The following MAP3K1 variants were observed in gnomAD, a reference collection of about 807,000 sequenced individuals.
MAP3K1 encodes MAP/ERK kinase kinase 1.
MAP3K1 carries 36 observed loss-of-function variants against 144.2 expected under a neutral mutation model. The ratio of observed to expected loss-of-function variants is 0.25; its 90% confidence interval spans 0.19 to 0.33. MAP3K1 has a LOEUF of 0.33. MAP3K1 is among the 10% of genes least tolerant of loss of function. The pLI is 1.00. For synonymous variants in MAP3K1, 718 were observed against 688.7 expected, an observed-to-expected ratio of 1.04 and a Z score of -0.67; for missense variants, 1,650 against 1,881.9, an observed-to-expected ratio of 0.88 and a Z score of 2.28.
Position 56,887,420 on chromosome 5 carries a change from T to C in MAP3K1, c.4157T>C (p.Ile1386Thr), listed in dbSNP as rs2111961865. ...GACAGCACTGGTCAGAGACTAAGAA[T>C]TGCAGATTTTGGAGCTGCAGCCAGG... ...LIDSTGQRLRIADFGAAARLA... is the reference protein window; with the variant it reads ...LIDSTGQRLRTADFGAAARLA... The change falls in exon 18 of 20, where the codon ATT becomes ACT. Residue 1386 changes from isoleucine to threonine, a missense_variant. Coordinates refer to ENST00000399503, the MANE Select transcript of MAP3K1 (RefSeq NM_005921.2). 1 of 1,614,184 alleles carries C rather than the reference T, an allele frequency of 6.2e-7. No individual in the cohort carries two copies.
Position 56,895,976 on chromosome 5 carries a change from CAAAAAAAA to C in MAP3K1, c.*2307_*2314del, listed in dbSNP as rs34130917. ...CACCTTACTGTGTAAGCAAATGTTA[CAAAAAAAA>C]AAAAAAAAAATCTCTGGGTTAAGAA... On this transcript the variant is annotated 3_prime_UTR_variant, in exon 20 of 20. Coordinates refer to ENST00000399503, the MANE Select transcript of MAP3K1 (RefSeq NM_005921.2). The C allele has an allele frequency of 4.4e-5, 8 of 182,214 alleles. No homozygotes were observed. The highest frequency in any genetic ancestry group is 6.3e-5 in the Non-Finnish European group (6 of 95,914). The allele number at this position is 182,214 out of a possible 1,614,324, so 11.3% of individuals were successfully genotyped here.
chr5:56,853,601 A>G (rs1188455367), intron 1 of MAP3K1, among the ~76,000 whole-genome samples: 1 of 152,218 alleles, frequency 6.6e-6, no homozygotes, highest in Non-Finnish European at 1.5e-5. Flanking sequence ...TGCAAACTGC[A>G]TTAACCATGT....
intron 19 of MAP3K1, among the ~76,000 whole-genome samples, chr5:56,891,927 G>C (rs1748561558): frequency 6.6e-6 from 1 of 152,076 alleles, no homozygotes; most frequent in Non-Finnish European, 1.5e-5. Context: ...ATGCTGTTTT[G>C]GTTACTGTAG....
chr5:56,832,511 A>AT (rs1746523787), intron 1 of MAP3K1, among the ~76,000 whole-genome samples: 2 of 152,202 alleles, frequency 1.3e-5, no homozygotes, highest in Admixed American at 6.5e-5. Context: ...TTTGATTCCC[A>AT]TTTTACATAT....
At chr5:56,871,855 C>A in intron 6 of MAP3K1, 55 bp from the exon 7 acceptor site, 2 of 1,558,512 alleles carry the variant, frequency 1.3e-6, no homozygotes, top group Non-Finnish European at 1.8e-6. Context: ...TTTAGCATAT[C>A]CGTTCTACTT....
At chr5:56,842,267 C>G (rs1223268622) in intron 1 of MAP3K1, 1 of 152,182 alleles carries the variant, frequency 6.6e-6, no homozygotes, top group Non-Finnish European at 1.5e-5. Flanking sequence ...TTTCAAATAA[C>G]TTGTTAAAAG....
chr5:56,851,291 G>A (rs1233433227), intron 1 of MAP3K1, among the ~76,000 whole-genome samples: 1 of 152,172 alleles, frequency 6.6e-6, no homozygotes, highest in African/African-American at 2.4e-5. Flanking sequence ...TGTGTGCCAG[G>A]CATTGTGCAG....
At chr5:56,871,406 T>C (rs1747848889) in intron 6 of MAP3K1, among the ~76,000 whole-genome samples, 1 of 152,204 alleles carries the variant, frequency 6.6e-6, no homozygotes, top group Admixed American at 6.5e-5. Flanking sequence ...TGAAAGATTG[T>C]GTACACTTAA....
At chr5:56,862,179 T>C (rs1747535188) in intron 3 of MAP3K1, 1 of 152,258 alleles carries the variant, frequency 6.6e-6, no homozygotes, top group African/African-American at 2.4e-5. Context: ...CACATGCCTA[T>C]TGCTTCAGCT....
chr5:56,833,912 CAT>C lies in MAP3K1; in HGVS notation c.482+17858_482+17859del, dbSNP rs545414874. 2.8e-3 allele frequency among the ~76,000 whole-genome samples: 426 copies of C among 152,178 alleles called. 3 individuals carry two copies. Among genetic ancestry groups the C allele is most frequent in the African/African-American group, 9.8e-3 (408 of 41,514 alleles). On this transcript the variant is annotated intron_variant, in intron 1 of 19. Transcript: ENST00000399503. ...TAAGTTAACGAATGCCTGCCTGTCA[CAT>C]GTGGGGCCTTTATTTTGTGTTCAGC...
chr5:56,881,949 G>C lies in MAP3K1; in HGVS notation c.2749G>C (p.Ala917Pro). ...AGAGAAAACTGGAAAAGGATTATGTGCTACAAAATTGAGTGCCAGTTCAGA... is the reference window on the plus strand; with the variant it reads ...AGAGAAAACTGGAAAAGGATTATGTCCTACAAAATTGAGTGCCAGTTCAGA... ...HLEKTGKGLC[A>P]TKLSASSEDI... is the part of the protein sequence containing the mutation. The change falls in exon 14 of 20, where the codon GCT (alanine) becomes CCT (proline). Residue 917 changes from alanine to proline, a missense_variant. Transcript: ENST00000399503. 1 of 1,614,064 alleles carries C rather than the reference G, an allele frequency of 6.2e-7. No individual in the cohort carries two copies. The highest frequency in any genetic ancestry group is 8.5e-7 in the Non-Finnish European group (1 of 1,180,022).
chr5:56,866,014 T>G, intron 6 of MAP3K1, 37 bp downstream of exon 6: 1 of 1,514,718 alleles, frequency 6.6e-7, no homozygotes, highest in Non-Finnish European at 9.2e-7. Flanking sequence ...ATTAATCCAG[T>G]GTTACTTTTA....
chr5:56,860,002 G>C (rs1004933599), intron 3 of MAP3K1, 87 bp downstream of exon 3: 5 of 1,194,188 alleles, frequency 4.2e-6, no homozygotes, highest in Non-Finnish European at 6.1e-6. Flanking sequence ...CCATCTGTTA[G>C]AACATCAGTT....
intron 1 of MAP3K1, among the ~76,000 whole-genome samples, chr5:56,853,844 G>A (rs981185936): frequency 2.0e-5 from 3 of 152,180 alleles, no homozygotes; most frequent in Non-Finnish European, 4.4e-5. Flanking sequence ...GTGAGACCAC[G>A]AGGTGCAGGG....
rs1046935979 is a variant in MAP3K1, at chr5:56,815,920, C to G, written c.347C>G (p.Ala116Gly). 1.8e-5 allele frequency: 23 copies of G among 1,277,734 alleles called. No individual in the cohort carries two copies. The highest frequency in any genetic ancestry group is 3.0e-4 in the Middle Eastern group (1 of 3,332). 79.1% of individuals were successfully genotyped at this position (1,277,734 alleles called of 1,614,324 possible). A position where few individuals can be genotyped will look rare whatever the true frequency, so the allele number is the denominator to read the frequency against. Residue 116 changes from alanine to glycine, a missense_variant, in exon 1 of 20, where the codon GCC becomes GGC. By Grantham distance (60) the Ala-to-Gly change is moderately conservative. Around this residue, in one of 6 missense-constraint regions of MAP3K1, gnomAD observed 360 missense variants for 274.7 expected, o/e 1.31. Coordinates refer to ENST00000399503, the MANE Select transcript of MAP3K1 (RefSeq NM_005921.2). ...QPVAVPPPHG[A>G]ASRGGAHLTE... ...GTGGCGGTGCCGCCGCCCCACGGAG[C>G]CGCGAGCCGCGGCGGCGCCCACCTT...
chr5:56,825,954 A>G (rs1581207099), intron 1 of MAP3K1, among the ~76,000 whole-genome samples: 1 of 150,180 alleles, frequency 6.7e-6, no homozygotes, highest in African/African-American at 2.4e-5. Flanking sequence ...TAGTCCCTCA[A>G]CTGACCGTTC....
chr5:56,823,005 C>T (rs1204758920), intron 1 of MAP3K1, among the ~76,000 whole-genome samples: 1 of 152,148 alleles, frequency 6.6e-6, no homozygotes, highest in Non-Finnish European at 1.5e-5. Context: ...TTGCCTGATC[C>T]CTGTGTCCTT....
rs929628890 is a variant in MAP3K1, at chr5:56,865,990, T to C, written c.1301+13T>C. ...GTTCAGAAAACAGGTTAGTACTTTTTAAGGATTTCAAACATTAATCCAGTG... is the reference window on the plus strand; with the variant it reads ...GTTCAGAAAACAGGTTAGTACTTTTCAAGGATTTCAAACATTAATCCAGTG... On this transcript the variant is annotated intron_variant, in intron 6 of 19. Transcript: ENST00000399503. 5 of 1,589,434 alleles carry C rather than the reference T, an allele frequency of 3.1e-6. No homozygotes were observed. The highest frequency in any genetic ancestry group is 4.3e-6 in the Non-Finnish European group (5 of 1,157,562).
At chr5:56,856,877 A>G (rs749365610) in intron 2 of MAP3K1, 127 bp downstream of exon 2, 18 of 995,336 alleles carry the variant, frequency 1.8e-5, no homozygotes, top group Non-Finnish European at 2.7e-5. Flanking sequence ...TTTACTTGAT[A>G]TTGTGGTCAT....
Sources: allele counts gnomAD v4.1 joint callset (sites outside exome capture counted in the v4.1 genomes callset), GRCh38; gene constraint gnomAD v4.1.1; regional missense constraint gnomAD v4.1.1; transcripts MANE v1.5; gene names NCBI Gene and HGNC (gene_info 2026-07-23, HGNC 2026-07-21).